The following SH2B2 variants were observed in gnomAD, a reference collection of about 807,000 sequenced individuals.
SH2B2 encodes the protein SH2B adapter protein 2.
In SH2B2, 37 loss-of-function variants were observed where a neutral mutation model predicts 35.7. The observed-to-expected ratio is 1.04, with a 90% confidence interval of 0.80 to 1.36. The LOEUF is 1.36. Ranked by LOEUF, SH2B2 falls within the 40% of genes most tolerant of loss-of-function variation. The pLI, the probability that SH2B2 is intolerant of heterozygous loss-of-function variation, is 0.00. For synonymous variants in SH2B2, 383 were observed against 376.4 expected, an observed-to-expected ratio of 1.02 and a Z score of -0.20; for missense variants, 852 against 817.7, an observed-to-expected ratio of 1.04 and a Z score of -0.51.
At chr7:102,299,821 C>T (rs1793075214) in intron 1 of SH2B2, among the ~76,000 whole-genome samples, 1 of 152,212 alleles carries the variant, frequency 6.6e-6, no homozygotes, top group Non-Finnish European at 1.5e-5. Context: ...GCCTCTTCTG[C>T]CAGCCCCAGG....
intron 7 of SH2B2, among the ~76,000 whole-genome samples, chr7:102,319,603 G>C (rs1159159846): frequency 3.3e-5 from 5 of 150,286 alleles, no homozygotes; most frequent in Admixed American, 2.0e-4. Context: ...GGCTATGCGT[G>C]TACCCTCAAA....
chr7:102,296,820 C>T (rs1792937041), intron 1 of SH2B2, among the ~76,000 whole-genome samples: 8 of 152,096 alleles, frequency 5.3e-5, no homozygotes, highest in Admixed American at 5.2e-4. Context: ...CGTACAAAAA[C>T]TTGGTCCCTT....
intron 7 of SH2B2, among the ~76,000 whole-genome samples, chr7:102,319,325 G>T (rs1276162839): frequency 3.3e-5 from 5 of 152,206 alleles, no homozygotes; most frequent in African/African-American, 9.6e-5. Flanking sequence ...TCCCTGCATT[G>T]TCCTAGCAAC....
At chr7:102,317,106 G>A (rs544134903) in intron 6 of SH2B2, 81 bp from the exon 7 acceptor site, 8 of 1,151,866 alleles carry the variant, frequency 6.9e-6, no homozygotes, top group Admixed American at 2.5e-5. Flanking sequence ...CCAACAAGAC[G>A]TCACCTCTCT....
chr7:102,293,463 A>T (rs1792769122), intron 1 of SH2B2, among the ~76,000 whole-genome samples: 1 of 148,708 alleles, frequency 6.7e-6, no homozygotes, highest in South Asian at 2.1e-4. Flanking sequence ...ATCCCATCAG[A>T]GATGGGGAAA....
chr7:102,289,316 A>C (rs572926880), intron 1 of SH2B2, among the ~76,000 whole-genome samples: 2 of 152,114 alleles, frequency 1.3e-5, no homozygotes, highest in South Asian at 2.1e-4. Context: ...GGCCACAGCC[A>C]TGTGGTGTGG....
At chr7:102,318,086 G>A (rs1356912162) in intron 7 of SH2B2, among the ~76,000 whole-genome samples, 9 of 152,122 alleles carry the variant, frequency 5.9e-5, no homozygotes, top group East Asian at 1.9e-4. Flanking sequence ...ACACCCAGGC[G>A]GTGTGCTTTC....
At chr7:102,321,165 C>A in intron 8 of SH2B2, 134 bp from the exon 9 acceptor site, 1 of 732,650 alleles carries the variant, frequency 1.4e-6, no homozygotes. Flanking sequence ...GGTGTGCTTG[C>A]ATATGTGTCC....
chr7:102,320,217 G>C (rs2133052700), intron 7 of SH2B2, 114 bp from the exon 8 acceptor site: 2 of 889,292 alleles, frequency 2.2e-6, no homozygotes, highest in East Asian at 5.0e-5. Flanking sequence ...CCCCGGCCCT[G>C]ACACAGCCCC....
Position 102,314,830 on chromosome 7 carries a change from AC to A in SH2B2, c.1186+149del, listed in dbSNP as rs1793759293. 7.6e-6 allele frequency: 3 copies of A among 397,294 alleles called. No individual in the cohort carries two copies. The South Asian group carries it at 4.3e-4, about 57-fold the overall frequency. 24.6% of individuals were successfully genotyped at this position (397,294 alleles called of 1,614,324 possible). On this transcript the variant is annotated intron_variant, in intron 6 of 8. Transcript: ENST00000444095. ...TGGGTCCTTCACACGTCTCCGAAGT[AC>A]TTCTGGCTTTTGTAGACTGGTCTAG...
At chr7:102,318,704 G>A (rs1433150021) in intron 7 of SH2B2, among the ~76,000 whole-genome samples, 1 of 152,092 alleles carries the variant, frequency 6.6e-6, no homozygotes, top group Non-Finnish European at 1.5e-5. Context: ...ACCCCTAGTG[G>A]CTCAGTGCAG....
chr7:102,290,493 G>A (rs895530036), intron 1 of SH2B2, among the ~76,000 whole-genome samples: 6 of 152,160 alleles, frequency 3.9e-5, no homozygotes, highest in Non-Finnish European at 5.9e-5. Context: ...TCAAACTCCT[G>A]ACCTCAAGTG....
In SH2B2 at chr7:102,291,380, C is replaced by T. The variant is rs565670088; in HGVS notation, c.-30+4286C>T. 1.7e-4 allele frequency among the ~76,000 whole-genome samples: 26 copies of T among 152,262 alleles called. 1 individual carries two copies. The highest frequency in any genetic ancestry group is 1.5e-3 in the Admixed American group (23 of 15,288). ...TGCCTCCAAGCGATGCTGCTCAGGC[C>T]GAGCCTTGGACTAGAAAGTTATCTG... On this transcript the variant is annotated intron_variant, in intron 1 of 8. Coordinates refer to ENST00000444095, the MANE Select transcript of SH2B2 (RefSeq NM_001359228.2).
chr7:102,320,561 A>G, intron 8 of SH2B2, 59 bp downstream of exon 8: 1 of 1,558,132 alleles, frequency 6.4e-7, no homozygotes, highest in Non-Finnish European at 8.7e-7. Flanking sequence ...TTGATTACTC[A>G]AGAAGGTGGT....
intron 2 of SH2B2, 22 bp downstream of exon 2, chr7:102,301,301 C>CCTAG: frequency 2.5e-6 from 4 of 1,592,120 alleles, no homozygotes; most frequent in Non-Finnish European, 2.6e-6. Flanking sequence ...CATAATCCCA[C>CCTAG]CTAGCCTGGG....
At chr7:102,308,755 C>T in intron 3 of SH2B2, 60 bp from the exon 4 acceptor site, 1 of 1,252,874 alleles carries the variant, frequency 8.0e-7, no homozygotes, top group Non-Finnish European at 1.2e-6. Flanking sequence ...ACCCTATGTC[C>T]TGTGGTCTGG....
chr7:102,292,214 C>T (rs1209250938), intron 1 of SH2B2, among the ~76,000 whole-genome samples: 1 of 151,592 alleles, frequency 6.6e-6, no homozygotes, highest in Non-Finnish European at 1.5e-5. Context: ...ATAGTGAGAC[C>T]CCCATCTCTA....
intron 1 of SH2B2, among the ~76,000 whole-genome samples, chr7:102,296,930 G>C (rs1357174131): frequency 6.6e-6 from 1 of 151,876 alleles, no homozygotes; most frequent in Non-Finnish European, 1.5e-5. Flanking sequence ...AGTAAACTGT[G>C]ATCTCGCCAC....
chr7:102,298,914 CTTTT>C (rs1182008499), intron 1 of SH2B2, among the ~76,000 whole-genome samples: 10 of 93,396 alleles, frequency 1.1e-4, no homozygotes, highest in African/African-American at 1.8e-4. Flanking sequence ...TCTTTCTTCT[CTTTT>C]TTTTTTTTTT....
Sources: allele counts gnomAD v4.1 joint callset (sites outside exome capture counted in the v4.1 genomes callset), GRCh38; gene constraint gnomAD v4.1.1; transcripts MANE v1.5; gene names NCBI Gene and HGNC (gene_info 2026-07-23, HGNC 2026-07-21).